TENM3: variants seen among roughly 807,000 people sequenced by gnomAD.
TENM3 encodes the protein teneurin transmembrane protein 3, also known as teneurin-3.
Under a neutral mutation model 255.1 loss-of-function variants are expected in TENM3, and 63 were observed. That is an observed-to-expected ratio of 0.25 (90% CI 0.20 to 0.30). TENM3 has a LOEUF of 0.30. Ranked by LOEUF, TENM3 falls within the 10% of genes least tolerant of loss-of-function variation. TENM3 has a pLI of 1.00. For synonymous variants in TENM3, 1,306 were observed against 1,322.3 expected (o/e 0.99, Z 0.27); for missense variants, 2,929 against 3,461.1 (o/e 0.85, Z 3.86).
the TENM3 span, among the ~76,000 whole-genome samples, chr4:182,100,466 T>C: frequency 4.2e-3 from 454 of 107,220 alleles, 13 homozygotes; most frequent in African/African-American, 0.015. Flanking sequence ...TATATATATA[T>C]ACACACACAC....
chr4:181,732,031 C>A, the TENM3 span, among the ~76,000 whole-genome samples: 2 of 152,066 alleles, frequency 1.3e-5, no homozygotes, highest in Non-Finnish European at 2.9e-5. Context: ...GAATCTAAAA[C>A]TAAATGGGAA....
chr4:182,134,121 T>G, the TENM3 span, among the ~76,000 whole-genome samples: 1 of 152,310 alleles, frequency 6.6e-6, no homozygotes, highest in African/African-American at 2.4e-5. Flanking sequence ...AAGATAATCT[T>G]CAAATTTCAA....
At chr4:181,765,094 T>C in the TENM3 span, among the ~76,000 whole-genome samples, 1 of 152,238 alleles carries the variant, frequency 6.6e-6, no homozygotes, top group Non-Finnish European at 1.5e-5. Context: ...AAAAGCAGAA[T>C]TAGCTATTTT....
the TENM3 span, among the ~76,000 whole-genome samples, chr4:181,591,919 G>A: frequency 1.3e-5 from 2 of 151,476 alleles, no homozygotes; most frequent in African/African-American, 2.4e-5. Context: ...CAACAACGTG[G>A]ATGAATCTCA....
chr4:181,913,523 C>T, the TENM3 span, among the ~76,000 whole-genome samples: 3 of 152,104 alleles, frequency 2.0e-5, no homozygotes, highest in South Asian at 2.1e-4. Context: ...GGTTAGACCG[C>T]ACAGTCTAAG....
chr4:182,173,341 T>C (rs1281700400), intron 1 of TENM3, among the ~76,000 whole-genome samples: 1 of 152,208 alleles, frequency 6.6e-6, no homozygotes, highest in East Asian at 1.9e-4. Flanking sequence ...TGAAGATTTG[T>C]GACAAGAGTT....
At chr4:182,202,973 T>C (rs113049318) in intron 1 of TENM3, among the ~76,000 whole-genome samples, 16,946 of 151,824 alleles carry the variant, frequency 0.11, 1,133 homozygotes, top group African/African-American at 0.18. Flanking sequence ...CCCAGCACTT[T>C]GGGAGGCCGG....
chr4:181,871,149 G>C, the TENM3 span, among the ~76,000 whole-genome samples: 2 of 151,784 alleles, frequency 1.3e-5, no homozygotes, highest in Non-Finnish European at 2.9e-5. Context: ...ACCACACTAA[G>C]AACACTGTAG....
intron 1 of TENM3, among the ~76,000 whole-genome samples, chr4:182,274,392 A>C (rs1045311297): frequency 2.0e-5 from 3 of 152,226 alleles, no homozygotes; most frequent in African/African-American, 7.2e-5. Context: ...CCCGGCTTCC[A>C]CTGAGCCCTA....
intron 3 of TENM3, among the ~76,000 whole-genome samples, chr4:182,514,879 C>G (rs1214340188): frequency 6.6e-6 from 1 of 152,010 alleles, no homozygotes; most frequent in Non-Finnish European, 1.5e-5. Context: ...CATAGAATAC[C>G]AAGCATTTAA....
At chr4:181,614,113 C>T in the TENM3 span, among the ~76,000 whole-genome samples, 1,683 of 151,824 alleles carry the variant, frequency 0.011, 30 homozygotes, top group African/African-American at 0.039. Context: ...TTTCATTTCT[C>T]AATTTAAATT....
At chr4:182,687,436 G>C (rs1479033435) in intron 11 of TENM3, among the ~76,000 whole-genome samples, 2 of 151,958 alleles carry the variant, frequency 1.3e-5, no homozygotes, top group African/African-American at 2.4e-5. Context: ...TAAAACATTT[G>C]AATTCATTTG....
chr4:181,499,112 C>G, the TENM3 span, among the ~76,000 whole-genome samples: 1 of 152,128 alleles, frequency 6.6e-6, no homozygotes, highest in Non-Finnish European at 1.5e-5. Context: ...TAGATAATGA[C>G]CCACAACTTA....
chr4:181,603,827 T>G, the TENM3 span, among the ~76,000 whole-genome samples: 3 of 147,532 alleles, frequency 2.0e-5, no homozygotes, highest in East Asian at 5.8e-4. Flanking sequence ...ACTAATAAAC[T>G]GCATGAAAGA....
intron 3 of TENM3, among the ~76,000 whole-genome samples, chr4:182,533,832 G>T (rs1198922018): frequency 6.6e-6 from 1 of 151,790 alleles, no homozygotes; most frequent in South Asian, 2.1e-4. Flanking sequence ...AGAATTGCTT[G>T]AATGTGGGAG....
the TENM3 span, among the ~76,000 whole-genome samples, chr4:182,120,091 GCGCGCACACACA>G: frequency 1.0e-4 from 6 of 58,428 alleles, no homozygotes; most frequent in East Asian, 6.0e-4. Context: ...ATGCGTGCGT[GCGCGCACACACA>G]CACACACACA....
At chr4:182,165,972 G>T (rs1485796080) in intron 1 of TENM3, among the ~76,000 whole-genome samples, 1 of 151,984 alleles carries the variant, frequency 6.6e-6, no homozygotes, top group Non-Finnish European at 1.5e-5. Flanking sequence ...TAGAGACGGG[G>T]TTTCACCGCA....
chr4:182,623,576 C>T (rs1272007398), intron 4 of TENM3, among the ~76,000 whole-genome samples: 5 of 150,648 alleles, frequency 3.3e-5, no homozygotes, highest in South Asian at 2.1e-4. Flanking sequence ...GTGATCCACC[C>T]GCTGCGGCCT....
the TENM3 span, among the ~76,000 whole-genome samples, chr4:181,641,804 C>CAATATA: frequency 2.7e-5 from 1 of 37,414 alleles, no homozygotes. Context: ...TACACACACA[C>CAATATA]CATATATATA....
Sources: gnomAD v4.1 joint callset for allele counts (sites outside exome capture counted in the v4.1 genomes callset) on GRCh38, gnomAD v4.1.1 for gene constraint, MANE v1.5 for transcripts, NCBI Gene and HGNC (gene_info 2026-07-23, HGNC 2026-07-21) for gene names.